DIP2C: variants seen among roughly 807,000 people sequenced by gnomAD.
DIP2C encodes disco-interacting protein 2 homolog C.
Under a neutral mutation model 192.4 loss-of-function variants are expected in DIP2C, and 33 were observed. The observed-to-expected ratio is 0.17, with a 90% CI of 0.13 to 0.23. The LOEUF (loss-of-function observed/expected upper bound fraction) is 0.23, where lower values mean the gene tolerates loss of function less well. Among genes scored for constraint, DIP2C ranks in the 10% least tolerant of loss-of-function variants. The probability of loss-of-function intolerance (pLI) is 1.00; values close to 1 mark genes in which losing one functional copy is unlikely to be tolerated. For missense variants in DIP2C, 1,537 were observed against 2,110.1 expected (o/e 0.73, Z 5.32); for synonymous variants, 979 against 864.1 (o/e 1.13, Z -2.33).
At chr10:368,266 G>C (rs1375710044) in intron 18 of DIP2C, among the ~76,000 whole-genome samples, 1 of 152,234 alleles carries the variant, frequency 6.6e-6, no homozygotes, top group Non-Finnish European at 1.5e-5. Context: ...CCTCTGACAG[G>C]GGCCTGGGAA....
intron 1 of DIP2C, among the ~76,000 whole-genome samples, chr10:534,688 G>C (rs904456435): frequency 1.0e-3 from 82 of 80,078 alleles, no homozygotes; most frequent in Middle Eastern, 7.4e-3. Context: ...TTTTTTTTTT[G>C]AGACGGAGTC....
intron 1 of DIP2C, among the ~76,000 whole-genome samples, chr10:622,937 A>G (rs1853961965): frequency 6.6e-6 from 1 of 152,230 alleles, no homozygotes; most frequent in Non-Finnish European, 1.5e-5. Context: ...TTAATTCCCT[A>G]ATGCAATTAC....
Position 435,917 on chromosome 10 carries a change from A to G in DIP2C, c.394+4954T>C, listed in dbSNP as rs564565338. 2.4e-3 allele frequency among the ~76,000 whole-genome samples: 363 copies of G among 152,314 alleles called. 2 individuals are homozygous for G. Among genetic ancestry groups the G allele is most frequent in the Non-Finnish European group, 4.0e-3 (272 of 68,014 alleles). ...TAGACTGGCACCTTCCAACAGAATT[A>G]TGAGAATCCTATATAGAACTTTAAA... On this transcript the variant is annotated intron_variant, in intron 4 of 36. Transcript: ENST00000280886.
chr10:416,019 A>G (rs2133111087), intron 6 of DIP2C, 131 bp from the exon 7 acceptor site: 10 of 1,374,890 alleles, frequency 7.3e-6, no homozygotes, highest in Non-Finnish European at 7.0e-6. Flanking sequence ...GATCCTGGGA[A>G]GGGCCCGAGG....
chr10:500,617 C>T (rs1039116905), intron 1 of DIP2C, among the ~76,000 whole-genome samples: 7 of 152,248 alleles, frequency 4.6e-5, no homozygotes, highest in African/African-American at 1.7e-4. Flanking sequence ...AAAGTGCACA[C>T]GAAACACAGA....
rs144681533 is a variant in DIP2C, at chr10:452,184, T to C, written c.269-11188A>G. Among the ~76,000 whole-genome samples the C allele has an allele frequency of 3.1e-4, 47 of 152,164 alleles. No individual in the cohort carries two copies. The East Asian group carries it at 5.8e-3, about 19-fold the overall frequency. ...AAACCAGTGGAGTCACTAAAAACAA[T>C]TGCAAAAAGATGTCTACATTCTGCT... On this transcript the variant is annotated intron_variant, in intron 3 of 36. Coordinates refer to ENST00000280886, the MANE Select transcript of DIP2C (RefSeq NM_014974.3).
At chr10:359,101 GAT>G (rs1959194785) in intron 22 of DIP2C, among the ~76,000 whole-genome samples, 1 of 152,152 alleles carries the variant, frequency 6.6e-6, no homozygotes, top group Non-Finnish European at 1.5e-5. Context: ...CACGTGCCCA[GAT>G]GCAGCTGACG....
At chr10:313,864 A>G (rs1956663622) in intron 31 of DIP2C, among the ~76,000 whole-genome samples, 1 of 152,242 alleles carries the variant, frequency 6.6e-6, no homozygotes, top group South Asian at 2.1e-4. Context: ...GAAAACACAA[A>G]ACAGCACTAA....
chr10:404,783 G>A (rs1964687460), intron 9 of DIP2C, among the ~76,000 whole-genome samples: 1 of 152,192 alleles, frequency 6.6e-6, no homozygotes, highest in Admixed American at 6.5e-5. Flanking sequence ...AATTTGCTAA[G>A]AGAGATTAGA....
chr10:353,132 C>T (rs941385809), intron 24 of DIP2C, among the ~76,000 whole-genome samples: 5 of 151,674 alleles, frequency 3.3e-5, no homozygotes, highest in Admixed American at 2.0e-4. Flanking sequence ...GCTGGCTTTT[C>T]CCCCACAGAA....
chr10:354,957 C>T (rs982350238), intron 24 of DIP2C, among the ~76,000 whole-genome samples: 15 of 151,714 alleles, frequency 9.9e-5, no homozygotes, highest in African/African-American at 1.9e-4. Flanking sequence ...CACCCAAGGC[C>T]GGCGAACCTG....
At position 674,771 on chromosome 10, in the gene DIP2C, A is replaced by AATATATATATATATATAT. The variant is rs375454744; in HGVS notation, c.85+14705_85+14722dup. Among the ~76,000 whole-genome samples, 142 of 27,662 alleles carry AATATATATATATATATAT rather than the reference A, an allele frequency of 5.1e-3. 7 individuals are homozygous for AATATATATATATATATAT. Among genetic ancestry groups the AATATATATATATATATAT allele is most frequent in the Non-Finnish European group, 5.6e-3 (95 of 17,000 alleles). The allele number at this position is 27,662 out of a possible 152,430, so 18.1% of individuals were successfully genotyped here. The stretch of plus-strand genomic sequence containing the variant: ...GCAACAAAAGCAAAACTCCATCTCA[A>AATATATATATATATATAT]ATATATATATATATATATAGAGAGA... On this transcript the variant is annotated intron_variant, in intron 1 of 36. Coordinates refer to ENST00000280886, the MANE Select transcript of DIP2C (RefSeq NM_014974.3).
At chr10:633,792 C>T (rs529144097) in intron 1 of DIP2C, among the ~76,000 whole-genome samples, 31 of 152,306 alleles carry the variant, frequency 2.0e-4, no homozygotes, top group East Asian at 7.7e-4. Flanking sequence ...TAACTGCAGA[C>T]GAGTTTTCCT....
chr10:667,317 G>A (rs1857155609), intron 1 of DIP2C: 1 of 152,516 alleles, frequency 6.6e-6, no homozygotes, highest in African/African-American at 2.4e-5. Context: ...GGCAGGCTGA[G>A]CACAGGACCT....
At chr10:572,429 C>A (rs960988743) in intron 1 of DIP2C, among the ~76,000 whole-genome samples, 12 of 152,230 alleles carry the variant, frequency 7.9e-5, no homozygotes, top group African/African-American at 1.2e-4. Context: ...CCAGCCAGCA[C>A]AGGATTTGCA....
At chr10:612,862 T>G (rs1853193465) in intron 1 of DIP2C, among the ~76,000 whole-genome samples, 1 of 152,218 alleles carries the variant, frequency 6.6e-6, no homozygotes, top group African/African-American at 2.4e-5. Context: ...CAGGTTCCCA[T>G]GAGCCAAGCA....
At chr10:482,632 A>C (rs886109785) in intron 2 of DIP2C, among the ~76,000 whole-genome samples, 1 of 152,214 alleles carries the variant, frequency 6.6e-6, no homozygotes, top group African/African-American at 2.4e-5. Flanking sequence ...AGACAAACAC[A>C]TAAGAAGTTG....
At chr10:405,635 C>T (rs1237863954) in intron 9 of DIP2C, among the ~76,000 whole-genome samples, 2 of 152,218 alleles carry the variant, frequency 1.3e-5, no homozygotes, top group Non-Finnish European at 2.9e-5. Flanking sequence ...CAATACTGGA[C>T]AAATACAAAG....
Position 484,308 on chromosome 10 carries a change from T to C in DIP2C, c.157+2151A>G, listed in dbSNP as rs532664342. Among the ~76,000 whole-genome samples the C allele has an allele frequency of 1.9e-3, 297 of 152,350 alleles. 1 individual carries two copies. Among genetic ancestry groups the C allele is most frequent in the Middle Eastern group, 0.01 (3 of 294 alleles). On this transcript the variant is annotated intron_variant, in intron 2 of 36. Transcript: ENST00000280886. ...AATCCTTACCTCTAAGAACATACTC[T>C]ATGATTAACTGCTTTTTCTATTTCA...
Sources: allele counts gnomAD v4.1 joint callset (sites outside exome capture counted in the v4.1 genomes callset), GRCh38; gene constraint gnomAD v4.1.1; transcripts MANE v1.5; gene names NCBI Gene and HGNC (gene_info 2026-07-23, HGNC 2026-07-21).